Variants in GRM5 observed in about 807,000 individuals in gnomAD.
The protein encoded by GRM5 is metabotropic glutamate receptor 5.
Under a neutral mutation model 83.1 loss-of-function variants are expected in GRM5, and 19 were observed. The observed-to-expected ratio is 0.23, with a 90% CI of 0.16 to 0.34. The LOEUF is 0.34. Among genes scored for constraint, GRM5 ranks in the 10% least tolerant of loss-of-function variants. The pLI is 1.00. For synonymous variants in GRM5, 675 were observed against 633.6 expected (o/e 1.07, Z -0.98); for missense variants, 1,160 against 1,588.3 (o/e 0.73, Z 4.58).
chr11:88,730,624 T>C (rs1370366816), intron 3 of GRM5, among the ~76,000 whole-genome samples: 2 of 152,094 alleles, frequency 1.3e-5, no homozygotes, highest in African/African-American at 4.8e-5. Context: ...AACCGAAATG[T>C]TCATCAATGA....
At position 88,822,675 on chromosome 11, in the gene GRM5, C is replaced by T. The variant is rs76052826; in HGVS notation, c.911+27231G>A. On this transcript the variant is annotated intron_variant, in intron 3 of 9. Transcript: ENST00000305447. ...ATCTTCTTAAGAATATTGACTCTTC[C>T]GGTTCCTGAATGTGGTACATCTTTC... is the stretch of plus-strand genomic sequence containing the variant. Among the ~76,000 whole-genome samples the T allele has an allele frequency of 6.0e-3, 907 of 151,918 alleles. 19 individuals are homozygous for T. Among genetic ancestry groups the T allele is most frequent in the East Asian group, 0.041 (213 of 5,150 alleles).
chr11:88,723,815 G>C (rs1375276861), intron 3 of GRM5, among the ~76,000 whole-genome samples: 4 of 152,014 alleles, frequency 2.6e-5, no homozygotes, highest in Non-Finnish European at 5.9e-5. Flanking sequence ...ATCACTTCAG[G>C]CTCTTTGTTC....
At chr11:88,744,661 C>CT (rs1565210983) in intron 3 of GRM5, among the ~76,000 whole-genome samples, 1 of 152,110 alleles carries the variant, frequency 6.6e-6, no homozygotes, top group Non-Finnish European at 1.5e-5. Flanking sequence ...AGGGCGTGTC[C>CT]TACTGCACCA....
chr11:88,629,140 G>A (rs1387268749), intron 4 of GRM5, among the ~76,000 whole-genome samples: 9 of 152,134 alleles, frequency 5.9e-5, no homozygotes, highest in Non-Finnish European at 1.2e-4. Flanking sequence ...TTTGATATCT[G>A]GATCTGATGG....
intron 3 of GRM5, among the ~76,000 whole-genome samples, chr11:88,804,812 G>A (rs573296114): frequency 6.6e-6 from 1 of 152,256 alleles, no homozygotes; most frequent in Non-Finnish European, 1.5e-5. Context: ...AGATATTGGA[G>A]ATTCAGAAAC....
chr11:88,841,007 C>A (rs1406143439), intron 3 of GRM5, among the ~76,000 whole-genome samples: 2 of 152,148 alleles, frequency 1.3e-5, no homozygotes, highest in Non-Finnish European at 2.9e-5. Flanking sequence ...TGATGTTTAT[C>A]TTTTCCCTTC....
At position 89,047,758 on chromosome 11, in the gene GRM5, C is replaced by G. The variant is rs1565351102; in HGVS notation, c.115G>C (p.Ala39Pro). The part of the protein sequence containing the change: ...AHMPGDIIIG[A>P]LFSVHHQPTV... ...GGCTGGTGATGAACAGAAAAGAGAGCTCCAATAATGATGTCACCCGGCATG... is the reference window on the plus strand; with the variant it reads ...GGCTGGTGATGAACAGAAAAGAGAGGTCCAATAATGATGTCACCCGGCATG... Residue 39 changes from alanine to proline, a missense_variant, in exon 2 of 10, where the codon GCT (alanine) becomes CCT (proline). Physicochemically the swap from Ala to Pro is conservative, Grantham distance 27. Coordinates refer to ENST00000305447, the MANE Select transcript of GRM5 (RefSeq NM_001143831.3). This position sits in a 1 kb window ranked among gnomAD's most constrained non-coding sequence, Gnocchi z 5.1. 6.2e-7 allele frequency: 1 copy of G among 1,614,080 alleles called. No individual in the cohort carries two copies. Among genetic ancestry groups the G allele is most frequent in the Non-Finnish European group, 8.5e-7 (1 of 1,180,004 alleles).
At chr11:88,593,632 C>G (rs1218438563) in intron 6 of GRM5, among the ~76,000 whole-genome samples, 1 of 148,714 alleles carries the variant, frequency 6.7e-6, no homozygotes, top group African/African-American at 2.5e-5. Context: ...GAGCCGAGAT[C>G]GCGCCACTGC....
At chr11:88,886,773 T>G (rs1402745151) in intron 2 of GRM5, among the ~76,000 whole-genome samples, 1 of 152,204 alleles carries the variant, frequency 6.6e-6, no homozygotes, top group African/African-American at 2.4e-5. Flanking sequence ...GATCATCATA[T>G]CTATTTCATC....
chr11:88,640,887 T>C (rs1183243440), intron 4 of GRM5, among the ~76,000 whole-genome samples: 1 of 152,164 alleles, frequency 6.6e-6, no homozygotes, highest in South Asian at 2.1e-4. Flanking sequence ...CTCTTTGTAA[T>C]TTATAGAGAT....
chr11:88,999,005 T>C (rs1940282904), intron 2 of GRM5, among the ~76,000 whole-genome samples: 1 of 152,250 alleles, frequency 6.6e-6, no homozygotes, highest in East Asian at 1.9e-4. Flanking sequence ...CCCTATTTAA[T>C]AAATGGTGCT....
intron 3 of GRM5, among the ~76,000 whole-genome samples, chr11:88,725,963 A>C (rs937238125): frequency 2.6e-5 from 4 of 152,082 alleles, no homozygotes; most frequent in African/African-American, 9.7e-5. Flanking sequence ...CATTCCAAGA[A>C]CCAGACTGCC....
intron 8 of GRM5, among the ~76,000 whole-genome samples, chr11:88,538,468 A>C (rs1942187574): frequency 6.6e-6 from 1 of 152,226 alleles, no homozygotes. Flanking sequence ...GTTAACTATA[A>C]GAAGGGTCTC....
chr11:89,032,786 C>A (rs950429807), intron 2 of GRM5, among the ~76,000 whole-genome samples: 1 of 151,994 alleles, frequency 6.6e-6, no homozygotes, highest in Non-Finnish European at 1.5e-5. Context: ...TATCTGAATT[C>A]AATGTCTGCA....
intron 2 of GRM5, among the ~76,000 whole-genome samples, chr11:88,949,197 G>T (rs1565305720): frequency 6.6e-6 from 1 of 152,160 alleles, no homozygotes; most frequent in African/African-American, 2.4e-5. Flanking sequence ...TTTAGTCCAG[G>T]TGTTGTCCAG....
chr11:88,584,498 A>T (rs1943274935), intron 7 of GRM5, among the ~76,000 whole-genome samples: 1 of 151,972 alleles, frequency 6.6e-6, no homozygotes, highest in Admixed American at 6.6e-5. Context: ...CAGTGGCATG[A>T]TCTCCACTCA....
At chr11:88,803,588 G>T (rs950236890) in intron 3 of GRM5, among the ~76,000 whole-genome samples, 1 of 152,178 alleles carries the variant, frequency 6.6e-6, no homozygotes, top group Non-Finnish European at 1.5e-5. Flanking sequence ...CAACCTAGAA[G>T]AAAACCTAGG....
chr11:88,660,547 A>G (rs1190560254), intron 3 of GRM5, among the ~76,000 whole-genome samples: 2 of 152,188 alleles, frequency 1.3e-5, no homozygotes, highest in Admixed American at 6.6e-5. Flanking sequence ...GAGCAATACC[A>G]ATCTAAAAAT....
At chr11:88,693,915 T>C (rs1461498706) in intron 3 of GRM5, among the ~76,000 whole-genome samples, 1 of 152,148 alleles carries the variant, frequency 6.6e-6, no homozygotes, top group African/African-American at 2.4e-5. Context: ...GGCTGGGTAA[T>C]AGATAAATGT....
Sources: allele counts gnomAD v4.1 joint callset (sites outside exome capture counted in the v4.1 genomes callset), GRCh38; gene constraint gnomAD v4.1.1; non-coding constraint Gnocchi (gnomAD v3.1); transcripts MANE v1.5; gene names NCBI Gene and HGNC (gene_info 2026-07-23, HGNC 2026-07-21).